MARCHF1: variants seen among roughly 807,000 people sequenced by gnomAD.
The protein encoded by MARCHF1 is E3 ubiquitin-protein ligase MARCHF1.
In MARCHF1, 40 loss-of-function variants were observed where a neutral mutation model predicts 54.2. The ratio of observed to expected loss-of-function variants is 0.74; its 90% CI spans 0.57 to 0.96. MARCHF1 has a LOEUF of 0.96. MARCHF1 is among the 40% of genes least tolerant of loss of function. MARCHF1 has a pLI of 0.00. For synonymous variants in MARCHF1, 236 were observed against 236.3 expected (o/e 1.00, Z 0.01); for missense variants, 586 against 656.5 (o/e 0.89, Z 1.17).
intron 3 of MARCHF1, among the ~76,000 whole-genome samples, chr4:163,951,951 C>T (rs1297062844): frequency 6.6e-6 from 1 of 152,110 alleles, no homozygotes; most frequent in African/African-American, 2.4e-5. Flanking sequence ...ATTATAAAAG[C>T]ACCCGTGTTT....
chr4:163,861,877 T>C (rs541268895), intron 3 of MARCHF1, among the ~76,000 whole-genome samples: 47 of 151,882 alleles, frequency 3.1e-4, no homozygotes, highest in African/African-American at 1.1e-3. Context: ...AAAAAGTAAA[T>C]ATATAAGACA....
At chr4:164,077,880 AAC>A (rs1200662551) in intron 2 of MARCHF1, among the ~76,000 whole-genome samples, 1 of 152,238 alleles carries the variant, frequency 6.6e-6, no homozygotes, top group Non-Finnish European at 1.5e-5. Flanking sequence ...GTCAGGAAAC[AAC>A]AGATGTTGGA....
At chr4:163,639,076 A>C (rs914467734) in intron 5 of MARCHF1, among the ~76,000 whole-genome samples, 7 of 152,162 alleles carry the variant, frequency 4.6e-5, no homozygotes, top group African/African-American at 1.4e-4. Context: ...ATAGAGTTTC[A>C]GTTTTACAGG....
intron 5 of MARCHF1, among the ~76,000 whole-genome samples, chr4:163,652,255 T>C (rs1260665360): frequency 6.6e-6 from 1 of 151,840 alleles, no homozygotes; most frequent in South Asian, 2.1e-4. Flanking sequence ...ACAGATGTTG[T>C]TGTCTTCCCT....
intron 3 of MARCHF1, among the ~76,000 whole-genome samples, chr4:163,900,258 G>A (rs539828158): frequency 1.3e-5 from 2 of 151,854 alleles, no homozygotes; most frequent in South Asian, 4.2e-4. Context: ...AATTTTGACT[G>A]GTACTCCGTC....
At chr4:164,331,812 T>C (rs1735440797) in intron 1 of MARCHF1, among the ~76,000 whole-genome samples, 1 of 152,230 alleles carries the variant, frequency 6.6e-6, no homozygotes, top group African/African-American at 2.4e-5. Flanking sequence ...ATTTACAGTC[T>C]AGCTTATCTT....
At chr4:164,037,683 A>G (rs1470104320) in intron 2 of MARCHF1, among the ~76,000 whole-genome samples, 1 of 152,228 alleles carries the variant, frequency 6.6e-6, no homozygotes, top group African/African-American at 2.4e-5. Context: ...CAATGAGTAC[A>G]GTATGTAAAT....
chr4:163,647,451 G>A (rs991951860), intron 5 of MARCHF1, among the ~76,000 whole-genome samples: 4 of 152,006 alleles, frequency 2.6e-5, no homozygotes, highest in Non-Finnish European at 4.4e-5. Flanking sequence ...CTAGCAGCAT[G>A]AGAATATGTA....
chr4:163,960,098 A>G (rs1038453047), intron 3 of MARCHF1, among the ~76,000 whole-genome samples: 4 of 152,064 alleles, frequency 2.6e-5, no homozygotes, highest in Admixed American at 6.6e-5. Flanking sequence ...CGTCAAAACC[A>G]CAGTGAGATA....
At chr4:163,855,545 A>G (rs2111174293) in intron 3 of MARCHF1, among the ~76,000 whole-genome samples, 1 of 152,354 alleles carries the variant, frequency 6.6e-6, no homozygotes, top group Admixed American at 6.5e-5. Flanking sequence ...TGCTAAGAGT[A>G]AATGAAAATG....
intron 3 of MARCHF1, among the ~76,000 whole-genome samples, chr4:163,912,793 A>G (rs904290753): frequency 2.6e-5 from 4 of 152,206 alleles, no homozygotes; most frequent in African/African-American, 7.2e-5. Flanking sequence ...TCTGAAAACC[A>G]TAGAAACCAA....
intron 5 of MARCHF1, among the ~76,000 whole-genome samples, chr4:163,670,666 GACT>G (rs1344585045): frequency 6.6e-6 from 1 of 151,614 alleles, no homozygotes; most frequent in African/African-American, 2.4e-5. Context: ...TGGATTCAAA[GACT>G]TCTTGCCACC....
intron 1 of MARCHF1, among the ~76,000 whole-genome samples, chr4:164,378,281 C>A (rs1270904211): frequency 1.3e-5 from 2 of 152,168 alleles, no homozygotes; most frequent in African/African-American, 4.8e-5. Flanking sequence ...GAGATTTTGG[C>A]AGTCTTGAGG....
intron 4 of MARCHF1, among the ~76,000 whole-genome samples, chr4:163,745,664 C>T (rs1016806555): frequency 2.0e-5 from 3 of 152,144 alleles, no homozygotes; most frequent in African/African-American, 7.2e-5. Flanking sequence ...TCCAATTGCT[C>T]ATCCAACAAC....
chr4:164,225,202 C>G (rs938063765), intron 1 of MARCHF1, among the ~76,000 whole-genome samples: 1 of 152,046 alleles, frequency 6.6e-6, no homozygotes, highest in Non-Finnish European at 1.5e-5. Context: ...CAGTGCTTAA[C>G]AGAATGTATT....
At chr4:163,751,405 G>A (rs1746516466) in intron 4 of MARCHF1, among the ~76,000 whole-genome samples, 1 of 151,572 alleles carries the variant, frequency 6.6e-6, no homozygotes, top group Non-Finnish European at 1.5e-5. Context: ...ATAAATAAAA[G>A]GCATAAGGAT....
At chr4:163,947,714 G>A (rs1752051708) in intron 3 of MARCHF1, among the ~76,000 whole-genome samples, 1 of 152,178 alleles carries the variant, frequency 6.6e-6, no homozygotes, top group South Asian at 2.1e-4. Flanking sequence ...GGTGTGTTAG[G>A]TTACTAAATG....
chr4:163,950,282 A>G (rs553333985), intron 3 of MARCHF1, among the ~76,000 whole-genome samples: 2 of 152,322 alleles, frequency 1.3e-5, no homozygotes, highest in East Asian at 3.9e-4. Flanking sequence ...TCTTGTGCTT[A>G]TCAGTGCCCA....
intron 1 of MARCHF1, among the ~76,000 whole-genome samples, chr4:164,156,711 T>G (rs1864599): frequency 0.84 from 127,557 of 152,122 alleles, 54,009 homozygotes; most frequent in Non-Finnish European, 0.89. Flanking sequence ...TTACAGGCGT[T>G]AGTCACCATG....
Sources: allele counts gnomAD v4.1 joint callset (sites outside exome capture counted in the v4.1 genomes callset), GRCh38; gene constraint gnomAD v4.1.1; transcripts MANE v1.5; gene names NCBI Gene and HGNC (gene_info 2026-07-23, HGNC 2026-07-21).